Variants in SPHKAP observed in about 807,000 individuals in gnomAD.
SPHKAP encodes A-kinase anchor protein SPHKAP.
A neutral mutation model predicts 137.5 loss-of-function variants in SPHKAP; 67 were observed. That is an observed-to-expected ratio of 0.49 (90% CI 0.40 to 0.60). SPHKAP has a LOEUF of 0.60. Among genes scored for constraint, SPHKAP ranks in the 20% least tolerant of loss-of-function variants. SPHKAP has a pLI of 0.00. For synonymous variants in SPHKAP, 813 were observed against 785.3 expected, an observed-to-expected ratio of 1.04 and a Z score of -0.59; for missense variants, 2,097 against 2,069.3, an observed-to-expected ratio of 1.01 and a Z score of -0.26.
At position 227,995,698 on chromosome 2, in the gene SPHKAP, T is replaced by C; in HGVS notation, c.4449-4A>G. 6.3e-7 allele frequency: 1 copy of C among 1,581,322 alleles called. No individual in the cohort carries two copies. Among genetic ancestry groups the C allele is most frequent in the East Asian group, 2.2e-5 (1 of 44,630 alleles). On this transcript the variant is annotated splice_polypyrimidine_tract_variant and splice_region_variant and intron_variant, in intron 7 of 11. Coordinates refer to ENST00000392056, the MANE Select transcript of SPHKAP (RefSeq NM_001142644.2). ...ATCTCTGGTATCAAGGCTGTCACTG[T>C]AGAGGGCAAGATATTATTACCAAGA...
chr2:228,125,913 C>T (rs1699062939), intron 2 of SPHKAP, among the ~76,000 whole-genome samples: 1 of 152,200 alleles, frequency 6.6e-6, no homozygotes, highest in East Asian at 1.9e-4. Flanking sequence ...CACATCTCTA[C>T]TAAAAATACA....
In SPHKAP at chr2:228,040,900, T is replaced by G. The variant is rs62201067; in HGVS notation, c.247-13357A>C. On this transcript the variant is annotated intron_variant, in intron 3 of 11. Coordinates refer to ENST00000392056, the MANE Select transcript of SPHKAP (RefSeq NM_001142644.2). ...GTAACACATTATATTTATTTTAGAT[T>G]TCCATTTTAAAGAACTGCTAGTAGC... 3.8e-3 allele frequency among the ~76,000 whole-genome samples: 582 copies of G among 152,306 alleles called. 8 individuals carry two copies. The highest frequency in any genetic ancestry group is 6.0e-3 in the Non-Finnish European group (406 of 68,028).
At chr2:228,084,863 G>A (rs59681697) in intron 3 of SPHKAP, among the ~76,000 whole-genome samples, 1 of 152,200 alleles carries the variant, frequency 6.6e-6, no homozygotes, top group Non-Finnish European at 1.5e-5. Flanking sequence ...AAGAAAAATA[G>A]TCAATAAAAT....
At chr2:228,073,753 A>G (rs1029274757) in intron 3 of SPHKAP, among the ~76,000 whole-genome samples, 3 of 152,266 alleles carry the variant, frequency 2.0e-5, no homozygotes, top group African/African-American at 7.2e-5. Context: ...TTATCTGCTA[A>G]CGAACAAATC....
chr2:228,012,566 TA>T (rs1694430268), intron 7 of SPHKAP, among the ~76,000 whole-genome samples: 1 of 152,188 alleles, frequency 6.6e-6, no homozygotes, highest in Non-Finnish European at 1.5e-5. Context: ...TGTACAATAA[TA>T]TTTTTTTGAA....
At chr2:228,026,193 C>T (rs1023080227) in intron 4 of SPHKAP, among the ~76,000 whole-genome samples, 6 of 152,150 alleles carry the variant, frequency 3.9e-5, no homozygotes. Context: ...TCCAATAAAC[C>T]TCTTTCTTAT....
chr2:228,064,822 A>C (rs1696775154), intron 3 of SPHKAP, among the ~76,000 whole-genome samples: 2 of 152,238 alleles, frequency 1.3e-5, no homozygotes, highest in African/African-American at 4.8e-5. Flanking sequence ...GAAGAAAGAC[A>C]CTGTTGGAAG....
At chr2:228,036,258 T>G (rs1191747814) in intron 3 of SPHKAP, among the ~76,000 whole-genome samples, 1 of 152,020 alleles carries the variant, frequency 6.6e-6, no homozygotes, top group African/African-American at 2.4e-5. Flanking sequence ...AAGACATTTA[T>G]GCAGCCAAAA....
At chr2:228,052,848 T>C (rs1696306444) in intron 3 of SPHKAP, among the ~76,000 whole-genome samples, 1 of 152,130 alleles carries the variant, frequency 6.6e-6, no homozygotes, top group African/African-American at 2.4e-5. Flanking sequence ...GATGAACAGA[T>C]TTGAGGCCCC....
chr2:228,167,828 T>C (rs1356297366), intron 1 of SPHKAP, among the ~76,000 whole-genome samples: 1 of 152,178 alleles, frequency 6.6e-6, no homozygotes, highest in Non-Finnish European at 1.5e-5. Flanking sequence ...TAATCAATTC[T>C]CTTAGTATCT....
intron 1 of SPHKAP, among the ~76,000 whole-genome samples, chr2:228,171,960 C>T (rs1700599124): frequency 6.6e-6 from 1 of 152,046 alleles, no homozygotes; most frequent in African/African-American, 2.4e-5. Flanking sequence ...CATTGTTTAT[C>T]TTGAAAATTT....
chr2:228,180,348 C>A (rs1700867289), intron 1 of SPHKAP, among the ~76,000 whole-genome samples: 1 of 152,158 alleles, frequency 6.6e-6, no homozygotes, highest in African/African-American at 2.4e-5. Flanking sequence ...CCTTCAATGC[C>A]TTTGGAAAGC....
intron 2 of SPHKAP, among the ~76,000 whole-genome samples, chr2:228,109,981 C>CTAATATTG (rs1698469253): frequency 8.2e-6 from 1 of 122,550 alleles, no homozygotes; most frequent in Admixed American, 8.9e-5. Flanking sequence ...AAAAAAAAGC[C>CTAATATTG]TAATATTGTA....
Position 228,004,472 on chromosome 2 carries a change from G to A in SPHKAP, c.4449-8778C>T, listed in dbSNP as rs188015884. ...TCTGTTCTTTATTAGTCTTGCTAGC[G>A]GTCTATCAATTTTGTTGATCTTTTC... On this transcript the variant is annotated intron_variant, in intron 7 of 11. Coordinates refer to ENST00000392056, the MANE Select transcript of SPHKAP (RefSeq NM_001142644.2). 5.9e-4 allele frequency among the ~76,000 whole-genome samples: 89 copies of A among 152,066 alleles called. 1 individual carries two copies. The highest frequency in any genetic ancestry group is 1.0e-3 in the Non-Finnish European group (69 of 67,982).
intron 7 of SPHKAP, among the ~76,000 whole-genome samples, chr2:228,009,542 T>C (rs1475341382): frequency 1.3e-5 from 2 of 152,212 alleles, no homozygotes; most frequent in East Asian, 3.8e-4. Flanking sequence ...TTTCTGGATA[T>C]GTTTCTTTTG....
chr2:228,096,630 C>CTGTGTG (rs59745287), intron 3 of SPHKAP, among the ~76,000 whole-genome samples: 5,719 of 148,842 alleles, frequency 0.038, 133 homozygotes, highest in South Asian at 0.056. Flanking sequence ...CAGGGGTCAA[C>CTGTGTG]TGTGTGTGTG....
At position 228,019,833 on chromosome 2, in the gene SPHKAP, G is replaced by A; in HGVS notation, c.1021C>T (p.Pro341Ser). The change falls in exon 7 of 12, where the codon CCA becomes TCA. Residue 341 changes from proline (P) to serine (S), a missense_variant. Transcript: ENST00000392056. ...ATCATGGAGAAATAAGCATCTTTTG[G>A]AATATACAGTGCCTGTGATTTTTCC... is the stretch of plus-strand genomic sequence containing the variant. The part of the protein sequence containing the change: ...QMEKSQALYI[P>S]KDAYFSMMDK... 1.2e-6 allele frequency: 2 copies of A among 1,614,126 alleles called. No individual in the cohort carries two copies. The highest frequency in any genetic ancestry group is 1.7e-6 in the Non-Finnish European group (2 of 1,180,024).
rs1232573886 is a variant in SPHKAP at position 228,181,025 on chromosome 2, C to T, written c.32+542G>A. Among the ~76,000 whole-genome samples, 1 of 151,912 alleles carries T rather than the reference C, an allele frequency of 6.6e-6. No homozygotes were observed. The highest frequency in any genetic ancestry group is 6.6e-5 in the Admixed American group (1 of 15,264). ...GGAGGACTGTGGGACTGCAGGGGAC[C>T]TAGGTGTTTTCTGCCCTGTCTTAAG... On this transcript the variant is annotated intron_variant, in intron 1 of 11. Coordinates refer to ENST00000392056, the MANE Select transcript of SPHKAP (RefSeq NM_001142644.2). This position sits in a 1 kb window ranked among gnomAD's most constrained non-coding sequence, Gnocchi z 4.3.
At chr2:228,092,101 GTA>G (rs1209421679) in intron 3 of SPHKAP, among the ~76,000 whole-genome samples, 1 of 146,564 alleles carries the variant, frequency 6.8e-6, no homozygotes, top group African/African-American at 2.5e-5. Flanking sequence ...GTGTATATAT[GTA>G]TATATACACA....
Sources: gnomAD v4.1 joint callset for allele counts (sites outside exome capture counted in the v4.1 genomes callset) on GRCh38, gnomAD v4.1.1 for gene constraint, Gnocchi (gnomAD v3.1) non-coding constraint, MANE v1.5 for transcripts, NCBI Gene and HGNC (gene_info 2026-07-23, HGNC 2026-07-21) for gene names.